HEATR5A: variants seen among roughly 807,000 people sequenced by gnomAD.
The protein encoded by HEATR5A is HEAT repeat-containing protein 5A.
HEATR5A carries 178 observed loss-of-function variants against 218.8 expected under a neutral mutation model. That is an observed-to-expected ratio of 0.81 (90% CI 0.72 to 0.92). The LOEUF is 0.92. Among genes scored for constraint, HEATR5A ranks in the 40% least tolerant of loss-of-function variants. The pLI is 0.00. For missense variants in HEATR5A, 2,420 were observed against 2,418.9 expected (o/e 1.00, Z -0.01); for synonymous variants, 864 against 871.6 (o/e 0.99, Z 0.15).
rs34745602 is a variant in HEATR5A at position 31,308,506 on chromosome 14, T to TAAA, written c.4690+425_4690+427dup. 1.7e-3 allele frequency among the ~76,000 whole-genome samples: 219 copies of TAAA among 125,892 alleles called. 1 individual carries two copies. The highest frequency in any genetic ancestry group is 8.0e-3 in the Middle Eastern group (2 of 250). The allele number at this position is 125,892 out of a possible 152,430, so 82.6% of individuals were successfully genotyped here. ...TGGGCAACAAGAGCAAAACTCTGTCTAAAAAAAAAAAAAAAAAAAATCTAA... is the reference window on the plus strand; with the variant it reads ...TGGGCAACAAGAGCAAAACTCTGTCTAAAAAAAAAAAAAAAAAAAAAAATCTAA... On this transcript the variant is annotated intron_variant, in intron 29 of 35. Transcript: ENST00000543095.
chr14:31,318,275 T>A lies in HEATR5A; in HGVS notation c.3987A>T (p.Arg1329Ser). The A allele has an allele frequency of 6.2e-7, 1 of 1,613,840 alleles. No homozygotes were observed. The highest frequency in any genetic ancestry group is 8.5e-7 in the Non-Finnish European group (1 of 1,179,764). ...GTGGTGTCTCTGAAGTGAAGGCTGGTCTAAGCGCTGCTCCTACCTGGCAAG... is the reference window on the plus strand; with the variant it reads ...GTGGTGTCTCTGAAGTGAAGGCTGGACTAAGCGCTGCTCCTACCTGGCAAG... The part of the protein sequence containing the change: ...QYQANVGAAL[R>S]PAFTSETPPD... The change falls in exon 26 of 36, where the codon AGA becomes AGT. Residue 1329 changes from arginine to serine, a missense_variant. Physicochemically the swap from Arg to Ser is moderately radical, Grantham distance 110 (BLOSUM62 -1). Transcript: ENST00000543095.
At chr14:31,416,303 G>C (rs920232225) in intron 1 of HEATR5A, among the ~76,000 whole-genome samples, 1 of 151,690 alleles carries the variant, frequency 6.6e-6, no homozygotes, top group African/African-American at 2.4e-5. Context: ...TGTATTTTTA[G>C]TAGAGACGGG....
Position 31,388,940 on chromosome 14 carries a change from A to G in HEATR5A, c.838T>C (p.Phe280Leu). 6.2e-7 allele frequency: 1 copy of G among 1,613,770 alleles called. No individual in the cohort carries two copies. Among genetic ancestry groups the G allele is most frequent in the Non-Finnish European group, 8.5e-7 (1 of 1,179,734 alleles). The change falls in exon 7 of 36, where the codon TTT (phenylalanine) becomes CTT (leucine). Residue 280 changes from phenylalanine (F) to leucine (L), a missense_variant. Transcript: ENST00000543095. Reference protein sequence around the residue: ...EEVLELLGTGFLRGSSGFLRA... With the variant: ...EEVLELLGTGLLRGSSGFLRA... Reference sequence around the variant, plus strand: ...AGGAATCCTGAACTCCCACGTAGAAACCCTGTTCCTAGTAATTCCAGAACT... The same window carrying G: ...AGGAATCCTGAACTCCCACGTAGAAGCCCTGTTCCTAGTAATTCCAGAACT...
chr14:31,298,101 A>G (rs1279895490), intron 33 of HEATR5A, among the ~76,000 whole-genome samples: 1 of 152,192 alleles, frequency 6.6e-6, no homozygotes, highest in Non-Finnish European at 1.5e-5. Context: ...AGCCATATGA[A>G]TGAGTCATCT....
At chr14:31,318,401 C>A in intron 25 of HEATR5A, 109 bp from the exon 26 acceptor site, 2 of 869,598 alleles carry the variant, frequency 2.3e-6, no homozygotes, top group South Asian at 3.0e-5. Context: ...GTATTATGGA[C>A]AGCTGTTGTT....
intron 11 of HEATR5A, among the ~76,000 whole-genome samples, chr14:31,375,311 T>C (rs564106526): frequency 6.6e-6 from 1 of 152,304 alleles, no homozygotes; most frequent in East Asian, 1.9e-4. Flanking sequence ...GTCCAAATGA[T>C]AGAATGCACT....
intron 21 of HEATR5A, among the ~76,000 whole-genome samples, chr14:31,341,903 A>C (rs1398965378): frequency 1.3e-5 from 2 of 152,174 alleles, no homozygotes; most frequent in Non-Finnish European, 1.5e-5. Context: ...GGAGTGAAAA[A>C]TTTTTCAATA....
chr14:31,316,672 G>A (rs1020577653), intron 26 of HEATR5A, among the ~76,000 whole-genome samples: 4 of 152,122 alleles, frequency 2.6e-5, no homozygotes, highest in Non-Finnish European at 5.9e-5. Context: ...CTCAAGCTAT[G>A]GTTTTTCCAG....
intron 35 of HEATR5A, 107 bp downstream of exon 35, chr14:31,293,780 TTCAA>T: frequency 9.4e-7 from 1 of 1,064,378 alleles, no homozygotes; most frequent in Non-Finnish European, 1.4e-6. Flanking sequence ...CATAACACCT[TTCAA>T]TGAATGTGAA....
chr14:31,336,246 A>G (rs1264261644), intron 22 of HEATR5A, among the ~76,000 whole-genome samples: 2 of 94,956 alleles, frequency 2.1e-5, no homozygotes, highest in Non-Finnish European at 3.9e-5. Flanking sequence ...ATATATATAT[A>G]TATATATATA....
Position 31,296,064 on chromosome 14 carries a change from C to T in HEATR5A, c.5465-1G>A, listed in dbSNP as rs751477036. The T allele has an allele frequency of 4.3e-6, 7 of 1,612,096 alleles. No individual in the cohort carries two copies. Among genetic ancestry groups the T allele is most frequent in the Non-Finnish European group, 5.1e-6 (6 of 1,178,580 alleles). On this transcript the variant is annotated splice_acceptor_variant, in intron 33 of 35. Transcript: ENST00000543095. LOFTEE classifies it high-confidence loss of function. ...TCAAGTTCTTGGTGTGTTTCATCAA[C>T]TAAAGAGAAATGCTCTATTAGAAAC... is the stretch of plus-strand genomic sequence containing the variant.
intron 33 of HEATR5A, among the ~76,000 whole-genome samples, chr14:31,298,482 G>C (rs1422087245): frequency 6.6e-6 from 1 of 152,218 alleles, no homozygotes; most frequent in Middle Eastern, 3.4e-3. Flanking sequence ...TATTTGTAGA[G>C]ACAGTATCTT....
chr14:31,293,664 A>C, intron 35 of HEATR5A, 52 bp from the exon 36 acceptor site: 1 of 1,480,382 alleles, frequency 6.8e-7, no homozygotes. Context: ...TTTCTAACAA[A>C]AGCCTGCAAA....
chr14:31,377,026 G>A (rs992980701), intron 11 of HEATR5A, among the ~76,000 whole-genome samples: 2 of 151,724 alleles, frequency 1.3e-5, no homozygotes, highest in East Asian at 1.9e-4. Flanking sequence ...TCATGAGGCC[G>A]AGGCAGGAGG....
chr14:31,398,335 G>C (rs1253415549), intron 4 of HEATR5A, among the ~76,000 whole-genome samples: 1 of 152,122 alleles, frequency 6.6e-6, no homozygotes, highest in African/African-American at 2.4e-5. Flanking sequence ...TGTAGTCCCT[G>C]GTGACAAGCA....
At chr14:31,322,712 G>A (rs145840792) in intron 24 of HEATR5A, among the ~76,000 whole-genome samples, 15,090 of 151,610 alleles carry the variant, frequency 0.1, 999 homozygotes, top group East Asian at 0.21. Context: ...CCAGCTACTC[G>A]GGAGGCTGGG....
Position 31,343,811 on chromosome 14 carries a change from C to A in HEATR5A, c.3228+85G>T. 2.6e-6 allele frequency: 3 copies of A among 1,148,236 alleles called. No individual in the cohort carries two copies. The South Asian group carries it at 5.8e-5, about 22-fold the overall frequency. 71.1% of individuals were successfully genotyped at this position (1,148,236 alleles called of 1,614,324 possible). On this transcript the variant is annotated intron_variant, in intron 21 of 35. Transcript: ENST00000543095. ...TATAACACATAACTTTGTACATAGT[C>A]TAGAGTATAATTAAAATGTGTACTG...
intron 25 of HEATR5A, among the ~76,000 whole-genome samples, chr14:31,319,448 C>T (rs1321929385): frequency 1.3e-5 from 2 of 152,188 alleles, no homozygotes; most frequent in Admixed American, 6.5e-5. Context: ...CCACCGCGCC[C>T]GGCCTCTAAT....
At chr14:31,303,500 C>CTACTA (rs1899456151) in intron 32 of HEATR5A, among the ~76,000 whole-genome samples, 7 of 152,138 alleles carry the variant, frequency 4.6e-5, no homozygotes, top group Admixed American at 4.6e-4. Context: ...TAAGAAGCAT[C>CTACTA]TACTAGGTAC....
Sources: gnomAD v4.1 joint callset for allele counts (sites outside exome capture counted in the v4.1 genomes callset) on GRCh38, gnomAD v4.1.1 for gene constraint, MANE v1.5 for transcripts, NCBI Gene and HGNC (gene_info 2026-07-23, HGNC 2026-07-21) for gene names.